The following CNDP1 variants were observed in gnomAD, a reference collection of about 807,000 sequenced individuals.
The protein encoded by CNDP1 is carnosine dipeptidase 1, also known as beta-Ala-His dipeptidase.
In CNDP1, 44 loss-of-function variants were observed where a neutral mutation model predicts 58.1. The ratio of observed to expected loss-of-function variants is 0.76; its 90% confidence interval spans 0.60 to 0.97. The LOEUF is 0.97. CNDP1 is among the 50% of genes least tolerant of loss of function. The probability of loss-of-function intolerance (pLI) is 0.00; values close to 1 mark genes in which losing one functional copy is unlikely to be tolerated. For missense variants in CNDP1, 616 were observed against 655.1 expected, an observed-to-expected ratio of 0.94 and a Z score of 0.65; for synonymous variants, 254 against 252.6, an observed-to-expected ratio of 1.01 and a Z score of -0.05.
rs376397481 is a variant in CNDP1 at position 74,541,306 on chromosome 18, G to A, written c.24+6615G>A. 8.0e-4 allele frequency among the ~76,000 whole-genome samples: 122 copies of A among 152,336 alleles called. 1 individual carries two copies. The South Asian group carries it at 0.02, about 25-fold the overall frequency. On this transcript the variant is annotated intron_variant, in intron 1 of 11. Transcript: ENST00000358821. ...ACAGTGATCGGATCCTCCCCTGAGC[G>A]TGCACTGTCTAGGGCAGCTGTCCTA...
intron 7 of CNDP1, chr18:74,576,390 C>T (rs1177900081): frequency 6.6e-6 from 1 of 152,222 alleles, no homozygotes; most frequent in African/African-American, 2.4e-5. Flanking sequence ...GTTGGGAATT[C>T]CTGGGCTCAA....
At chr18:74,579,343 C>A (rs1253588189) in intron 9 of CNDP1, among the ~76,000 whole-genome samples, 1 of 144,464 alleles carries the variant, frequency 6.9e-6, no homozygotes, top group African/African-American at 2.6e-5. Flanking sequence ...ATCCCCTCCC[C>A]CTCCCCTCCC....
chr18:74,561,063 A>G (rs933957195), intron 4 of CNDP1, 45 bp downstream of exon 4: 1 of 1,587,878 alleles, frequency 6.3e-7, no homozygotes, highest in Non-Finnish European at 8.6e-7. Flanking sequence ...CTGTGCTTGC[A>G]AGATTGAAGG....
intron 1 of CNDP1, among the ~76,000 whole-genome samples, chr18:74,550,570 C>T (rs1264660677): frequency 6.7e-6 from 1 of 148,744 alleles, no homozygotes; most frequent in African/African-American, 2.5e-5. Flanking sequence ...ATTGGAAAGG[C>T]ATTATTGAAT....
At chr18:74,556,166 G>A (rs1030927667) in intron 1 of CNDP1, among the ~76,000 whole-genome samples, 172 bp from the exon 2 acceptor site, 1 of 152,188 alleles carries the variant, frequency 6.6e-6, no homozygotes, top group African/African-American at 2.4e-5. Context: ...AAGTGTTTGG[G>A]GAAGGACGTA....
chr18:74,561,082 T>C, intron 4 of CNDP1, 64 bp downstream of exon 4: 1 of 1,569,614 alleles, frequency 6.4e-7, no homozygotes, highest in East Asian at 2.3e-5. Context: ...GGGGTGAAGA[T>C]GAGGCTCTGT....
At chr18:74,548,082 G>A (rs115436465) in intron 1 of CNDP1, among the ~76,000 whole-genome samples, 2,303 of 152,186 alleles carry the variant, frequency 0.015, 48 homozygotes, top group African/African-American at 0.052. Flanking sequence ...CCCAGCCCCC[G>A]CAAGCGCAAC....
intron 1 of CNDP1, among the ~76,000 whole-genome samples, chr18:74,546,303 T>G (rs1980758351): frequency 6.6e-6 from 1 of 152,164 alleles, no homozygotes; most frequent in African/African-American, 2.4e-5. Flanking sequence ...TTGTTCCCGT[T>G]ACCATCACAC....
chr18:74,570,242 TAA>T (rs35771415), intron 6 of CNDP1, among the ~76,000 whole-genome samples: 14 of 145,920 alleles, frequency 9.6e-5, no homozygotes, highest in South Asian at 8.6e-4. Context: ...AATAAATAAT[TAA>T]AAAAAAAGAA....
Position 74,586,329 on chromosome 18 carries a change from A to C in CNDP1, c.*1767A>C, listed in dbSNP as rs563202040. ...AGGTGTTTGATATTTTGTGCTATTA[A>C]GTGTAGTTTGCGCTCATCTAATTAT... On this transcript the variant is annotated 3_prime_UTR_variant, in exon 12 of 12. Transcript: ENST00000358821. 1 of 152,320 alleles carries C rather than the reference A, an allele frequency of 6.6e-6. No homozygotes were observed. Among genetic ancestry groups the C allele is most frequent in the Non-Finnish European group, 1.5e-5 (1 of 68,032 alleles). The allele number at this position is 152,320 out of a possible 1,614,324, so 9.4% of individuals were successfully genotyped here. A position where few individuals can be genotyped will look rare whatever the true frequency, so the allele number is the denominator to read the frequency against.
intron 1 of CNDP1, among the ~76,000 whole-genome samples, chr18:74,536,289 C>G (rs1011680897): frequency 6.6e-6 from 1 of 152,152 alleles, no homozygotes; most frequent in East Asian, 1.9e-4. Context: ...TCCTCTCCCT[C>G]CTCCCGTCCT....
chr18:74,550,725 T>C (rs9952652), intron 1 of CNDP1, among the ~76,000 whole-genome samples: 28,893 of 151,038 alleles, frequency 0.19, 3,649 homozygotes, highest in African/African-American at 0.36. Flanking sequence ...TACAGGCACC[T>C]GCCACCACGC....
intron 11 of CNDP1, 175 bp downstream of exon 11, chr18:74,583,883 A>G (rs1421927450): frequency 1.6e-6 from 1 of 643,260 alleles, no homozygotes; most frequent in Non-Finnish European, 2.6e-6. Flanking sequence ...GCCCTAGATC[A>G]GGTGCCAGGC....
At chr18:74,546,247 C>G (rs1980756285) in intron 1 of CNDP1, among the ~76,000 whole-genome samples, 1 of 152,184 alleles carries the variant, frequency 6.6e-6, no homozygotes, top group Non-Finnish European at 1.5e-5. Flanking sequence ...TGGCGAGGCT[C>G]AGATCCCTGT....
rs569894216 is a variant in CNDP1 at position 74,543,939 on chromosome 18, G to T, written c.24+9248G>T. Among the ~76,000 whole-genome samples, 3 of 151,870 alleles carry T rather than the reference G, an allele frequency of 2.0e-5. No homozygotes were observed. In the South Asian group the frequency reaches 6.3e-4, roughly 32 times the overall value. ...ATCTCTAAAAAAAATTTAAAAATCA[G>T]TCCACGTATGGTGGCTTGTACCTTT... is the stretch of plus-strand genomic sequence containing the variant. On this transcript the variant is annotated intron_variant, in intron 1 of 11. Transcript: ENST00000358821.
chr18:74,557,008 C>T (rs1981061096), intron 2 of CNDP1, among the ~76,000 whole-genome samples: 1 of 151,472 alleles, frequency 6.6e-6, no homozygotes, highest in South Asian at 2.1e-4. Flanking sequence ...TTCCCAGGTT[C>T]AGGTGATTCT....
Position 74,556,412 on chromosome 18 carries a change from G to A in CNDP1, c.99G>A (p.Ala33=), listed in dbSNP as rs780586369. The change falls in exon 2 of 12, where the codon GCG becomes GCA. Residue 33 remains alanine, a synonymous_variant. Coordinates refer to ENST00000358821, the MANE Select transcript of CNDP1 (RefSeq NM_032649.6). The part of the protein sequence containing the change: ...GMFSSPSPPP[A]LLEKVFQYID... ...TCTCCTCACCCTCCCCGCCCCCGGC[G>A]CTGTTAGAGAAAGTCTTCCAGTACA... The A allele has an allele frequency of 3.2e-5, 52 of 1,614,062 alleles. No homozygotes were observed. The highest frequency in any genetic ancestry group is 6.7e-5 in the African/African-American group (5 of 74,936).
At chr18:74,561,743 C>T (rs1434582765) in intron 4 of CNDP1, 22 of 245,870 alleles carry the variant, frequency 8.9e-5, no homozygotes, top group Admixed American at 1.4e-4. Flanking sequence ...TGGGTCTCTC[C>T]GGTGAACTTG....
intron 1 of CNDP1, among the ~76,000 whole-genome samples, chr18:74,550,742 ATT>A (rs34869467): frequency 2.0e-4 from 29 of 146,074 alleles, no homozygotes; most frequent in African/African-American, 2.8e-4. Context: ...ACGCCCGACT[ATT>A]TTTTTTTTTT....
Sources: allele counts gnomAD v4.1 joint callset (sites outside exome capture counted in the v4.1 genomes callset), GRCh38; gene constraint gnomAD v4.1.1; transcripts MANE v1.5; gene names NCBI Gene and HGNC (gene_info 2026-07-23, HGNC 2026-07-21).